NEGR1: variants seen among roughly 807,000 people sequenced by gnomAD.
NEGR1 encodes the protein neuronal growth regulator 1.
NEGR1 carries 10 observed loss-of-function variants against 40.9 expected under a neutral mutation model. That is an observed-to-expected ratio of 0.24 (90% CI 0.15 to 0.42). The LOEUF (loss-of-function observed/expected upper bound fraction) is 0.42. Ranked by LOEUF, NEGR1 falls within the 10% of genes least tolerant of loss-of-function variation. NEGR1 has a pLI of 1.00. For synonymous variants in NEGR1, 185 were observed against 166.8 expected (o/e 1.11, Z -0.84); for missense variants, 352 against 438.9 (o/e 0.80, Z 1.77).
At chr1:71,669,949 T>A (rs1652364335) in intron 4 of NEGR1, among the ~76,000 whole-genome samples, 1 of 152,158 alleles carries the variant, frequency 6.6e-6, no homozygotes, top group Non-Finnish European at 1.5e-5. Context: ...ACCTGGCCAA[T>A]CCTAGGTAGT....
chr1:71,689,276 G>A (rs150694430), intron 4 of NEGR1, among the ~76,000 whole-genome samples: 1,538 of 152,220 alleles, frequency 0.01, 33 homozygotes, highest in African/African-American at 0.034. Context: ...TTTGCTCCCT[G>A]CCTGTTAGGA....
chr1:72,241,053 G>A (rs903232837), intron 1 of NEGR1, among the ~76,000 whole-genome samples: 3 of 151,746 alleles, frequency 2.0e-5, no homozygotes, highest in Non-Finnish European at 2.9e-5. Flanking sequence ...CTAAATGGCT[G>A]GTATCATTGT....
At chr1:72,096,030 T>C (rs1180196502) in intron 1 of NEGR1, among the ~76,000 whole-genome samples, 1 of 152,160 alleles carries the variant, frequency 6.6e-6, no homozygotes, top group Non-Finnish European at 1.5e-5. Context: ...ATAAAGTATC[T>C]TGCTAAGACT....
chr1:71,776,619 T>C (rs1016295002), intron 2 of NEGR1, among the ~76,000 whole-genome samples: 1 of 152,196 alleles, frequency 6.6e-6, no homozygotes. Flanking sequence ...ATCTATTTTA[T>C]CCATGGATCC....
intron 1 of NEGR1, among the ~76,000 whole-genome samples, chr1:72,186,580 T>A (rs572176551): frequency 1.1e-3 from 160 of 151,688 alleles, no homozygotes; most frequent in Non-Finnish European, 1.0e-3. Context: ...AACTTCATAA[T>A]TCTAATAGGC....
chr1:72,098,752 G>A (rs1265062765), intron 1 of NEGR1, among the ~76,000 whole-genome samples: 1 of 152,018 alleles, frequency 6.6e-6, no homozygotes, highest in Non-Finnish European at 1.5e-5. Flanking sequence ...AGCAGCCGTA[G>A]GAAGTCTATA....
chr1:72,104,350 C>T (rs1359500089), intron 1 of NEGR1, among the ~76,000 whole-genome samples: 3 of 152,062 alleles, frequency 2.0e-5, no homozygotes, highest in African/African-American at 7.2e-5. Context: ...AGGTCAGAGT[C>T]ATTCATAGAA....
chr1:71,941,072 A>G (rs1163852649), intron 1 of NEGR1, among the ~76,000 whole-genome samples: 1 of 152,208 alleles, frequency 6.6e-6, no homozygotes, highest in Non-Finnish European at 1.5e-5. Context: ...TCAAAGCTAA[A>G]CTGAGTGAAA....
intron 6 of NEGR1, among the ~76,000 whole-genome samples, chr1:71,556,997 TGCCCTC>T (rs2101475591): frequency 1.3e-5 from 2 of 151,724 alleles, no homozygotes; most frequent in African/African-American, 4.8e-5. Context: ...AGTATGAAAA[TGCCCTC>T]AAATTAGAAA....
At chr1:71,597,929 T>A (rs543429531) in intron 5 of NEGR1, among the ~76,000 whole-genome samples, 30 of 151,542 alleles carry the variant, frequency 2.0e-4, no homozygotes, top group South Asian at 1.5e-3. Context: ...AAAAAAAAAA[T>A]TCAGCATTGT....
chr1:72,221,903 C>A (rs1654025183), intron 1 of NEGR1, among the ~76,000 whole-genome samples: 1 of 152,150 alleles, frequency 6.6e-6, no homozygotes, highest in South Asian at 2.1e-4. Context: ...AAGCTTCAGG[C>A]TGCTCCAACA....
intron 1 of NEGR1, among the ~76,000 whole-genome samples, chr1:72,145,249 T>C (rs193270401): frequency 2.0e-5 from 3 of 152,238 alleles, no homozygotes. Flanking sequence ...TAGAAAGATA[T>C]GCTCAAAAAA....
At chr1:71,853,392 C>G (rs1363124601) in intron 2 of NEGR1, among the ~76,000 whole-genome samples, 2 of 151,970 alleles carry the variant, frequency 1.3e-5, no homozygotes, top group Non-Finnish European at 2.9e-5. Context: ...TGTGACATTG[C>G]TTAATAATTA....
chr1:71,765,985 C>A (rs1656111677), intron 3 of NEGR1, among the ~76,000 whole-genome samples: 1 of 151,896 alleles, frequency 6.6e-6, no homozygotes, highest in Non-Finnish European at 1.5e-5. Context: ...ACCAACCTGA[C>A]CAACATGGTG....
At chr1:71,695,310 G>A (rs1426238580) in intron 4 of NEGR1, among the ~76,000 whole-genome samples, 2 of 151,762 alleles carry the variant, frequency 1.3e-5, no homozygotes, top group African/African-American at 4.8e-5. Context: ...TCAAAGGTAT[G>A]ACTCAGGGAG....
chr1:71,637,811 C>A (rs1651208107), intron 4 of NEGR1, among the ~76,000 whole-genome samples: 1 of 151,926 alleles, frequency 6.6e-6, no homozygotes, highest in Non-Finnish European at 1.5e-5. Flanking sequence ...GGTCACCTAA[C>A]CCACGTTACT....
intron 5 of NEGR1, among the ~76,000 whole-genome samples, chr1:71,595,759 G>T (rs1340072680): frequency 6.6e-6 from 1 of 152,046 alleles, no homozygotes; most frequent in Non-Finnish European, 1.5e-5. Flanking sequence ...TGGGGAACTT[G>T]TTAATATAAA....
intron 1 of NEGR1, among the ~76,000 whole-genome samples, chr1:72,229,479 T>C (rs1298727162): frequency 6.7e-6 from 1 of 149,340 alleles, no homozygotes; most frequent in Non-Finnish European, 1.5e-5. Context: ...CTAAAGTTAA[T>C]CTAATTTAAA....
At chr1:72,282,147 T>A (rs745895879) in intron 1 of NEGR1, among the ~76,000 whole-genome samples, 172 bp downstream of exon 1, 14 of 152,140 alleles carry the variant, frequency 9.2e-5, no homozygotes, top group Non-Finnish European at 1.3e-4. Context: ...TGCCCCAGCA[T>A]AAACGGGCCG....
Sources: allele counts gnomAD v4.1 joint callset (sites outside exome capture counted in the v4.1 genomes callset), GRCh38; gene constraint gnomAD v4.1.1; transcripts MANE v1.5; gene names NCBI Gene and HGNC (gene_info 2026-07-23, HGNC 2026-07-21).